Variants in FAM76A observed in about 807,000 individuals in gnomAD.
The protein encoded by FAM76A is protein FAM76A.
Under a neutral mutation model 46.2 loss-of-function variants are expected in FAM76A, and 32 were observed. The ratio of observed to expected loss-of-function variants is 0.69; its 90% CI spans 0.52 to 0.93. The LOEUF (loss-of-function observed/expected upper bound fraction) is 0.93. Ranked by LOEUF, FAM76A falls within the 40% of genes least tolerant of loss-of-function variation. The pLI is 0.00. For synonymous variants in FAM76A, 137 were observed against 127.0 expected, an observed-to-expected ratio of 1.08 and a Z score of -0.53; for missense variants, 274 against 361.5, an observed-to-expected ratio of 0.76 and a Z score of 1.96.
intron 4 of FAM76A, among the ~76,000 whole-genome samples, chr1:27,738,726 G>T (rs2088100039): frequency 6.6e-6 from 1 of 152,108 alleles, no homozygotes; most frequent in South Asian, 2.1e-4. Context: ...AGGGTGAGGA[G>T]AAAAATAAAT....
Position 27,749,155 on chromosome 1 carries a change from G to GT in FAM76A, c.599+2dup. 6.3e-7 allele frequency: 1 copy of GT among 1,593,904 alleles called. No homozygotes were observed. Among genetic ancestry groups the GT allele is most frequent in the Non-Finnish European group, 8.5e-7 (1 of 1,172,268 alleles). On this transcript the variant is annotated splice_donor_variant, in intron 6 of 8. Coordinates refer to ENST00000373954, the MANE Select transcript of FAM76A (RefSeq NM_152660.3). LOFTEE classifies it high-confidence loss of function. ...AGTCAATCACAACTAATGGAGACAG[G>GT]TGAGCCAGTTGGAGTATGTGTGCGC...
At position 27,726,058 on chromosome 1, in the gene FAM76A, G is replaced by C; in HGVS notation, c.-23G>C. 3 of 1,240,178 alleles carry C rather than the reference G, an allele frequency of 2.4e-6. No homozygotes were observed. The highest frequency in any genetic ancestry group is 3.0e-6 in the Non-Finnish European group (3 of 991,804). 76.8% of individuals were successfully genotyped at this position (1,240,178 alleles called of 1,614,324 possible). A position where few individuals can be genotyped will look rare whatever the true frequency, so the allele number is the denominator to read the frequency against. ...AATCGGCGGGCCGGGCCGGCGGGTC[G>C]GTGAGCGCGGCCCGGGCCGGACATG... On this transcript the variant is annotated 5_prime_UTR_variant, in exon 1 of 9. Coordinates refer to ENST00000373954, the MANE Select transcript of FAM76A (RefSeq NM_152660.3).
At chr1:27,753,377 T>C (rs1385850076) in intron 6 of FAM76A, among the ~76,000 whole-genome samples, 1 of 152,154 alleles carries the variant, frequency 6.6e-6, no homozygotes, top group Non-Finnish European at 1.5e-5. Flanking sequence ...TTAAATAGAC[T>C]CTATTCAGTT....
chr1:27,752,958 G>A (rs1557786271), intron 6 of FAM76A, among the ~76,000 whole-genome samples: 1 of 152,070 alleles, frequency 6.6e-6, no homozygotes, highest in Non-Finnish European at 1.5e-5. Context: ...TCGGGAGTTC[G>A]AGACCAGCCT....
Position 27,755,414 on chromosome 1 carries a change from C to A in FAM76A, c.735+84C>A, listed in dbSNP as rs2088394509. The A allele has an allele frequency of 2.6e-6, 4 of 1,531,682 alleles. No individual in the cohort carries two copies. The African/African-American group carries it at 4.1e-5, about 16-fold the overall frequency. 94.9% of individuals were successfully genotyped at this position (1,531,682 alleles called of 1,614,324 possible). ...GGGACATGATAATAACCCTTTTTAA[C>A]TGATGTTTGTTGAGAGCCTATGTCA... On this transcript the variant is annotated intron_variant, in intron 7 of 8. Coordinates refer to ENST00000373954, the MANE Select transcript of FAM76A (RefSeq NM_152660.3).
At chr1:27,757,712 C>T (rs1047247106) in intron 7 of FAM76A, among the ~76,000 whole-genome samples, 4 of 151,802 alleles carry the variant, frequency 2.6e-5, no homozygotes, top group Admixed American at 2.0e-4. Context: ...CTTGGTGGCT[C>T]ATGCCTGTAA....
chr1:27,758,837 G>A (rs2088459165), intron 7 of FAM76A, among the ~76,000 whole-genome samples: 1 of 152,034 alleles, frequency 6.6e-6, no homozygotes, highest in South Asian at 2.1e-4. Context: ...GGTTTTTAAA[G>A]GAGCAAAAGC....
At chr1:27,726,713 C>A (rs1401938544) in intron 1 of FAM76A, among the ~76,000 whole-genome samples, 1 of 151,992 alleles carries the variant, frequency 6.6e-6, no homozygotes, top group African/African-American at 2.4e-5. Flanking sequence ...AAAAGCCCCA[C>A]AGTCAGGCTC....
chr1:27,733,674 C>G (rs1291124153), intron 3 of FAM76A, among the ~76,000 whole-genome samples: 2 of 151,762 alleles, frequency 1.3e-5, no homozygotes, highest in Non-Finnish European at 2.9e-5. Flanking sequence ...ATGGTGAAAC[C>G]CCATCTCTAG....
chr1:27,755,377 G>C (rs1557787702), intron 7 of FAM76A, 47 bp downstream of exon 7: 1 of 1,606,884 alleles, frequency 6.2e-7, no homozygotes, highest in Non-Finnish European at 8.5e-7. Flanking sequence ...GCGAGGGTGA[G>C]ATATGTGGTA....
At chr1:27,730,935 T>A (rs1012313045) in intron 2 of FAM76A, among the ~76,000 whole-genome samples, 2 of 152,086 alleles carry the variant, frequency 1.3e-5, no homozygotes, top group African/African-American at 4.8e-5. Context: ...AGTGCTGGGA[T>A]TACAGGCATG....
chr1:27,739,394 G>A, intron 4 of FAM76A: 2 of 521,630 alleles, frequency 3.8e-6, no homozygotes, highest in South Asian at 1.4e-5. Context: ...TAGAATCTTA[G>A]TGTCTTCAGG....
chr1:27,731,680 G>A (rs1223397690), intron 2 of FAM76A, among the ~76,000 whole-genome samples: 2 of 151,990 alleles, frequency 1.3e-5, no homozygotes, highest in South Asian at 4.1e-4. Flanking sequence ...CTATTCATCC[G>A]AATTAAGGAG....
At chr1:27,744,620 C>T in intron 4 of FAM76A, 34 bp from the exon 5 acceptor site, 1 of 1,610,148 alleles carries the variant, frequency 6.2e-7, no homozygotes, top group South Asian at 1.1e-5. Context: ...GCGCTAAATT[C>T]CCTCTTCTTT....
In FAM76A at chr1:27,725,974, C is replaced by T; in HGVS notation, c.-107C>T. On this transcript the variant is annotated 5_prime_UTR_variant, in exon 1 of 9. Coordinates refer to ENST00000373954, the MANE Select transcript of FAM76A (RefSeq NM_152660.3). ...CCGCCCCGACCCGCCTGCGCCCGCC[C>T]GCCTGCCGCAGCCAGCAGCCTGCAG... The T allele has an allele frequency of 1.1e-6, 1 of 896,674 alleles. No individual in the cohort carries two copies. The highest frequency in any genetic ancestry group is 1.5e-6 in the Non-Finnish European group (1 of 688,890). The allele number at this position is 896,674 out of a possible 1,614,324, so 55.5% of individuals were successfully genotyped here.
In FAM76A at chr1:27,728,905, G is replaced by C. The variant is rs562828227; in HGVS notation, c.146+1369G>C. On this transcript the variant is annotated intron_variant, in intron 2 of 8. Transcript: ENST00000373954. ...CTTGAACCCAGGAGGTGGAGGTTGC[G>C]GTGAGCTGAGATTGCGCCACTGCAC... Among the ~76,000 whole-genome samples the C allele has an allele frequency of 2.4e-4, 37 of 151,906 alleles. 1 individual carries two copies. In the South Asian group the frequency reaches 7.5e-3, roughly 31 times the overall value.
Position 27,760,515 on chromosome 1 carries a change from G to A in FAM76A, c.858G>A (p.Leu286=), listed in dbSNP as rs1468680052. 4 of 1,611,694 alleles carry A rather than the reference G, an allele frequency of 2.5e-6. No individual in the cohort carries two copies. Among genetic ancestry groups the A allele is most frequent in the Admixed American group, 3.3e-5 (2 of 59,920 alleles). The change falls in exon 9 of 9, where the codon CTG becomes CTA. Residue 286 remains leucine, a synonymous_variant. Transcript: ENST00000373954. ...TTTAGGCCAAAAACCGAGAGCTCCT[G>A]AAGCAGGCAGCTGCTTTGTCCAAGA... ...EQLQAKNREL[L]KQAAALSKSK...
intron 6 of FAM76A, among the ~76,000 whole-genome samples, chr1:27,750,872 T>G (rs1440650110): frequency 6.6e-6 from 1 of 152,224 alleles, no homozygotes; most frequent in Non-Finnish European, 1.5e-5. Flanking sequence ...AGAAAAGATA[T>G]TAAATGATCA....
intron 6 of FAM76A, among the ~76,000 whole-genome samples, chr1:27,753,273 G>A (rs1001319323): frequency 1.4e-4 from 22 of 152,158 alleles, no homozygotes; most frequent in African/African-American, 5.1e-4. Context: ...GGTATGGGGG[G>A]AATCCTCTCA....
Sources: allele counts gnomAD v4.1 joint callset (sites outside exome capture counted in the v4.1 genomes callset), GRCh38; gene constraint gnomAD v4.1.1; transcripts MANE v1.5; gene names NCBI Gene and HGNC (gene_info 2026-07-23, HGNC 2026-07-21).